Variants in GYS2 observed in about 807,000 individuals in gnomAD.
The protein encoded by GYS2 is glycogen [starch] synthase, liver.
A neutral mutation model predicts 85.6 loss-of-function variants in GYS2; 80 were observed. That is an observed-to-expected ratio of 0.93 (90% CI 0.78 to 1.13). The LOEUF is 1.13. Ranked by LOEUF, GYS2 falls within the 50% of genes most tolerant of loss-of-function variation. The pLI, the probability that GYS2 is intolerant of heterozygous loss-of-function variation, is 0.00. For missense variants in GYS2, 881 were observed against 854.9 expected, an observed-to-expected ratio of 1.03 and a Z score of -0.38; for synonymous variants, 328 against 300.7, an observed-to-expected ratio of 1.09 and a Z score of -0.94.
chr12:21,574,760 G>T (rs548229552), intron 3 of GYS2, among the ~76,000 whole-genome samples: 16 of 151,550 alleles, frequency 1.1e-4, no homozygotes, highest in African/African-American at 3.9e-4. Context: ...TTTTTTAATT[G>T]ACTAGACTTG....
At chr12:21,554,901 A>G (rs1871146) in intron 11 of GYS2, among the ~76,000 whole-genome samples, 151,889 of 152,300 alleles carry the variant, frequency 1, 75,742 homozygotes, top group East Asian at 1. Context: ...TTCATTTAGA[A>G]CGTCCAATTT....
intron 2 of GYS2, among the ~76,000 whole-genome samples, chr12:21,579,504 C>A (rs939553204): frequency 6.6e-6 from 1 of 151,948 alleles, no homozygotes; most frequent in African/African-American, 2.4e-5. Flanking sequence ...CAGGTGCCTG[C>A]CTGCAAAACC....
chr12:21,560,403 T>C lies in GYS2; in HGVS notation c.1152A>G (p.Ala384=). 1 of 1,598,702 alleles carries C rather than the reference T, an allele frequency of 6.3e-7. No homozygotes were observed. The highest frequency in any genetic ancestry group is 8.6e-7 in the Non-Finnish European group (1 of 1,166,054). ...NFNVETLKGQ[A]VRKQLWDVAH... Reference sequence around the variant, plus strand: ...GAGATTACCACAGCTGTTTTCGCACTGCTTGTCCTTTCAGGGTTTCCACGT... The same window carrying C: ...GAGATTACCACAGCTGTTTTCGCACCGCTTGTCCTTTCAGGGTTTCCACGT... The change falls in exon 8 of 16, where the codon GCA becomes GCG. Residue 384 remains alanine (A), a synonymous_variant. Transcript: ENST00000261195.
rs1005922416 is a variant in GYS2 at position 21,556,688 on chromosome 12, C to T, written c.1422+1512G>A. Reference sequence around the variant, plus strand: ...GACATGATCCTCAAACCAGTTTGTGCGAAAGACTTGTTTTGATTTTTAGGA... The same window carrying T: ...GACATGATCCTCAAACCAGTTTGTGTGAAAGACTTGTTTTGATTTTTAGGA... On this transcript the variant is annotated intron_variant, in intron 11 of 15. Coordinates refer to ENST00000261195, the MANE Select transcript of GYS2 (RefSeq NM_021957.4). 4.6e-5 allele frequency among the ~76,000 whole-genome samples: 7 copies of T among 152,078 alleles called. No individual in the cohort carries two copies. In the East Asian group the frequency reaches 9.7e-4, roughly 21 times the overall value.
chr12:21,571,586 T>C (rs769557927), intron 4 of GYS2, among the ~76,000 whole-genome samples: 5 of 152,104 alleles, frequency 3.3e-5, no homozygotes, highest in African/African-American at 4.8e-5. Flanking sequence ...ATCCACCAAA[T>C]AATTGTCCAT....
At chr12:21,576,421 A>G (rs1006721899) in intron 2 of GYS2, among the ~76,000 whole-genome samples, 1 of 152,102 alleles carries the variant, frequency 6.6e-6, no homozygotes, top group South Asian at 2.1e-4. Flanking sequence ...ATCTCTGAAA[A>G]CCTGGGTAGT....
intron 7 of GYS2, 110 bp from the exon 8 acceptor site, chr12:21,560,602 G>T (rs1463597952): frequency 4.2e-6 from 3 of 713,444 alleles, no homozygotes; most frequent in Non-Finnish European, 5.1e-6. Flanking sequence ...GTAGATAAAA[G>T]GTATAGTTAT....
downstream of GYS2, among the ~76,000 whole-genome samples, chr12:21,536,019 G>C (rs1329656185): frequency 6.6e-6 from 1 of 152,044 alleles, no homozygotes; most frequent in Non-Finnish European, 1.5e-5. Flanking sequence ...TAAAAAGATA[G>C]CTTCTCTAGG....
At chr12:21,588,392 T>C (rs985987072) in intron 1 of GYS2, among the ~76,000 whole-genome samples, 1 of 152,236 alleles carries the variant, frequency 6.6e-6, no homozygotes, top group African/African-American at 2.4e-5. Context: ...CAAAATATAC[T>C]TTTTGGAAAA....
intron 11 of GYS2, 93 bp downstream of exon 11, chr12:21,558,107 G>T: frequency 1.3e-6 from 1 of 793,812 alleles, no homozygotes; most frequent in Non-Finnish European, 2.2e-6. Context: ...AATATTTCTT[G>T]TAGATGTAAA....
chr12:21,566,580 G>C (rs1389800247), intron 5 of GYS2, among the ~76,000 whole-genome samples: 1 of 151,790 alleles, frequency 6.6e-6, no homozygotes, highest in Non-Finnish European at 1.5e-5. Context: ...ATGAGAACTT[G>C]GGGAAAATCT....
chr12:21,603,454 T>TGGC (rs1164526261), intron 1 of GYS2, among the ~76,000 whole-genome samples: 1 of 152,138 alleles, frequency 6.6e-6, no homozygotes, highest in Non-Finnish European at 1.5e-5. Flanking sequence ...GAGATTATGC[T>TGGC]GGCTCTGATT....
At chr12:21,576,472 A>C (rs1662226951) in intron 2 of GYS2, among the ~76,000 whole-genome samples, 1 of 151,642 alleles carries the variant, frequency 6.6e-6, no homozygotes, top group African/African-American at 2.4e-5. Flanking sequence ...TCTTTTATGG[A>C]ACAGGACTAA....
At chr12:21,542,644 G>C (rs1384116809) in intron 12 of GYS2, 53 bp from the exon 13 acceptor site, 1 of 1,180,712 alleles carries the variant, frequency 8.5e-7, no homozygotes, top group African/African-American at 1.5e-5. Context: ...CTATATCCTT[G>C]TATGCACTCA....
intron 1 of GYS2, among the ~76,000 whole-genome samples, chr12:21,602,151 G>T (rs1053859114): frequency 3.3e-5 from 5 of 152,074 alleles, no homozygotes; most frequent in Non-Finnish European, 7.4e-5. Context: ...AGTTTAAGGG[G>T]TTCTTTTTCA....
intron 11 of GYS2, among the ~76,000 whole-genome samples, chr12:21,557,886 G>A (rs10770831): frequency 0.72 from 109,708 of 151,566 alleles, 40,250 homozygotes; most frequent in South Asian, 0.8. Context: ...GCGACAGAGC[G>A]AGACTCCGTC....
At chr12:21,545,302 C>T (rs957264264) in intron 12 of GYS2, among the ~76,000 whole-genome samples, 8 of 152,142 alleles carry the variant, frequency 5.3e-5, no homozygotes, top group African/African-American at 9.6e-5. Flanking sequence ...ATTAGCCAGG[C>T]GTGGTGGTGT....
At position 21,536,169 on chromosome 12, in the gene GYS2, C is replaced by T. The variant is rs1943908297; in HGVS notation, c.*785G>A. Reference sequence around the variant, plus strand: ...TAACAACTTATCATCTATGAAGAAACAAGGCATTACCAGTGAAAGTTAAGT... The same window carrying T: ...TAACAACTTATCATCTATGAAGAAATAAGGCATTACCAGTGAAAGTTAAGT... On this transcript the variant is annotated 3_prime_UTR_variant, in exon 16 of 16. Coordinates refer to ENST00000261195, the MANE Select transcript of GYS2 (RefSeq NM_021957.4). The T allele has an allele frequency of 6.6e-6, 1 of 152,056 alleles. No homozygotes were observed. 9.4% of individuals were successfully genotyped at this position (152,056 alleles called of 1,614,324 possible).
At chr12:21,571,858 A>G (rs1042845389) in intron 4 of GYS2, among the ~76,000 whole-genome samples, 1 of 152,082 alleles carries the variant, frequency 6.6e-6, no homozygotes, top group African/African-American at 2.4e-5. Flanking sequence ...CCTACTCAGG[A>G]GGCTGAGGCA....
Sources: allele counts gnomAD v4.1 joint callset (sites outside exome capture counted in the v4.1 genomes callset), GRCh38; gene constraint gnomAD v4.1.1; transcripts MANE v1.5; gene names NCBI Gene and HGNC (gene_info 2026-07-23, HGNC 2026-07-21).